The following MEF2A variants were observed in gnomAD, a reference collection of about 807,000 sequenced individuals.
MEF2A encodes the protein myocyte-specific enhancer factor 2A.
MEF2A carries 28 observed loss-of-function variants against 55.8 expected under a neutral mutation model. The ratio of observed to expected loss-of-function variants is 0.50; its 90% confidence interval spans 0.37 to 0.69. MEF2A has a LOEUF of 0.69. Ranked by LOEUF, MEF2A falls within the 30% of genes least tolerant of loss-of-function variation. The pLI is 0.00. For synonymous variants in MEF2A, 239 were observed against 227.1 expected (o/e 1.05, Z -0.47); for missense variants, 528 against 626.2 (o/e 0.84, Z 1.67).
intron 4 of MEF2A, among the ~76,000 whole-genome samples, chr15:99,670,649 G>C (rs2050704217): frequency 1.3e-5 from 2 of 151,878 alleles, no homozygotes; most frequent in African/African-American, 4.8e-5. Flanking sequence ...TCTCCAGAAA[G>C]TCAAATCAGT....
intron 4 of MEF2A, among the ~76,000 whole-genome samples, chr15:99,669,213 TAAG>T (rs1376860717): frequency 6.6e-6 from 1 of 152,212 alleles, no homozygotes; most frequent in African/African-American, 2.4e-5. Flanking sequence ...TACAGCTTAC[TAAG>T]AAGAGCAAGA....
intron 4 of MEF2A, among the ~76,000 whole-genome samples, chr15:99,646,857 A>G (rs2046045654): frequency 6.6e-6 from 1 of 152,118 alleles, no homozygotes; most frequent in South Asian, 2.1e-4. Context: ...GTATTTTAAA[A>G]ACAGCTTTTG....
Position 99,715,348 on chromosome 15 carries a change from GTCTT to G in MEF2A, c.*2585_*2588del, listed in dbSNP as rs1186752438. ...TGGCTTTTCTGACTGTATCTCAATA[GTCTT>G]TCTTTCTATGCAGGTTTATAATCAG... On this transcript the variant is annotated 3_prime_UTR_variant, in exon 12 of 12. Coordinates refer to ENST00000557942, the MANE Select transcript of MEF2A (RefSeq NM_001319206.4). 5.3e-5 allele frequency: 8 copies of G among 152,134 alleles called. No individual in the cohort carries two copies. Among genetic ancestry groups the G allele is most frequent in the South Asian group, 2.1e-4 (1 of 4,822 alleles). 9.4% of individuals were successfully genotyped at this position (152,134 alleles called of 1,614,324 possible). A position where few individuals can be genotyped will look rare whatever the true frequency, so the allele number is the denominator to read the frequency against.
rs543389493 is a variant in MEF2A, at chr15:99,712,380, T to C, written c.1137-10T>C. The C allele has an allele frequency of 2.0e-6, 3 of 1,515,530 alleles. No individual in the cohort carries two copies. The highest frequency in any genetic ancestry group is 2.5e-5 in the South Asian group (2 of 78,968). The allele number at this position is 1,515,530 out of a possible 1,614,324, so 93.9% of individuals were successfully genotyped here. On this transcript the variant is annotated splice_polypyrimidine_tract_variant and intron_variant, in intron 11 of 11. Coordinates refer to ENST00000557942, the MANE Select transcript of MEF2A (RefSeq NM_001319206.4). This position sits in a 1 kb window ranked among gnomAD's most constrained non-coding sequence, Gnocchi z 4.1. The stretch of plus-strand genomic sequence containing the variant: ...CAAGCCATCTGACCTCTCTCTTTTT[T>C]TTCCTTCAGTGCTGGAGGGCAGTTA...
chr15:99,657,294 C>T (rs1233872761), intron 4 of MEF2A: 1 of 149,184 alleles, frequency 6.7e-6, no homozygotes, highest in Admixed American at 6.7e-5. Flanking sequence ...ACTGCCAAAC[C>T]CTGTCCTACA....
chr15:99,579,092 G>A (rs1000103431), intron 1 of MEF2A, among the ~76,000 whole-genome samples: 1 of 152,016 alleles, frequency 6.6e-6, no homozygotes, highest in African/African-American at 2.4e-5. Context: ...TTCTTTCTTG[G>A]GTGCCTTGCA....
At chr15:99,704,472 C>A (rs564402252) in intron 9 of MEF2A, among the ~76,000 whole-genome samples, 6 of 152,168 alleles carry the variant, frequency 3.9e-5, no homozygotes, top group African/African-American at 1.4e-4. Flanking sequence ...GTTTATAATT[C>A]AAGCTAAAAT....
At chr15:99,601,775 TAGA>T (rs1277576616) in intron 2 of MEF2A, among the ~76,000 whole-genome samples, 3 of 151,758 alleles carry the variant, frequency 2.0e-5, no homozygotes, top group Non-Finnish European at 4.4e-5. Context: ...TCTACATTCA[TAGA>T]AGGCATTGGA....
intron 3 of MEF2A, among the ~76,000 whole-genome samples, chr15:99,635,677 T>G (rs1253039357): frequency 6.6e-6 from 1 of 152,220 alleles, no homozygotes; most frequent in Admixed American, 6.5e-5. Flanking sequence ...TGAGTTTATA[T>G]GAACAGTGTG....
At chr15:99,615,071 T>G (rs1219164382) in intron 2 of MEF2A, among the ~76,000 whole-genome samples, 1 of 152,206 alleles carries the variant, frequency 6.6e-6, no homozygotes, top group Non-Finnish European at 1.5e-5. Context: ...AAGTGCCTGC[T>G]GAGACCAGTT....
At chr15:99,663,997 T>C (rs113451844) in intron 4 of MEF2A, among the ~76,000 whole-genome samples, 6 of 152,334 alleles carry the variant, frequency 3.9e-5, no homozygotes, top group African/African-American at 1.4e-4. Context: ...ACTCTATAAG[T>C]AGAATGATAG....
chr15:99,616,068 A>T (rs901970118), intron 2 of MEF2A, among the ~76,000 whole-genome samples: 1 of 152,214 alleles, frequency 6.6e-6, no homozygotes, highest in African/African-American at 2.4e-5. Context: ...TGGTTCCCAT[A>T]TATCAAGCCA....
intron 7 of MEF2A, among the ~76,000 whole-genome samples, chr15:99,681,624 A>T (rs1391858049): frequency 6.6e-6 from 1 of 152,222 alleles, no homozygotes; most frequent in East Asian, 1.9e-4. Flanking sequence ...GGAATACAGT[A>T]TTCAGAAAGA....
intron 8 of MEF2A, among the ~76,000 whole-genome samples, chr15:99,697,009 A>G (rs947449136): frequency 1.3e-5 from 2 of 152,066 alleles, no homozygotes; most frequent in Non-Finnish European, 2.9e-5. Context: ...TTGAAAATTC[A>G]TTAGTATAAT....
intron 3 of MEF2A, among the ~76,000 whole-genome samples, chr15:99,642,019 T>A (rs574483998): frequency 6.6e-6 from 1 of 152,086 alleles, no homozygotes; most frequent in Non-Finnish European, 1.5e-5. Context: ...TGCTTGTTGG[T>A]TTTTTTGCCC....
At chr15:99,574,958 CAT>C (rs1412407301) in intron 1 of MEF2A, among the ~76,000 whole-genome samples, 5 of 152,300 alleles carry the variant, frequency 3.3e-5, no homozygotes, top group Non-Finnish European at 7.4e-5. Context: ...GGAAACCTGA[CAT>C]GTTATTATCA....
chr15:99,669,341 T>C (rs1420848171), intron 4 of MEF2A, among the ~76,000 whole-genome samples: 1 of 152,260 alleles, frequency 6.6e-6, no homozygotes, highest in Non-Finnish European at 1.5e-5. Flanking sequence ...ACTATATTTG[T>C]TCTGTTTCTA....
chr15:99,705,698 C>T (rs77555243), intron 9 of MEF2A, among the ~76,000 whole-genome samples: 1 of 152,226 alleles, frequency 6.6e-6, no homozygotes, highest in Non-Finnish European at 1.5e-5. Context: ...TCTGATGTAC[C>T]CTTTTGAAAA....
At chr15:99,599,573 T>C (rs1236738343) in intron 2 of MEF2A, among the ~76,000 whole-genome samples, 4 of 152,156 alleles carry the variant, frequency 2.6e-5, no homozygotes, top group Non-Finnish European at 4.4e-5. Context: ...TTGTTATAAC[T>C]TGACTGAAGA....
Sources: allele counts gnomAD v4.1 joint callset (sites outside exome capture counted in the v4.1 genomes callset), GRCh38; gene constraint gnomAD v4.1.1; non-coding constraint Gnocchi (gnomAD v3.1); transcripts MANE v1.5; gene names NCBI Gene and HGNC (gene_info 2026-07-23, HGNC 2026-07-21).